Variants in DNAH3 observed in about 807,000 individuals in gnomAD.
DNAH3 encodes the protein axonemal beta dynein heavy chain 3.
A neutral mutation model predicts 432.5 loss-of-function variants in DNAH3; 332 were observed. The observed-to-expected ratio is 0.77, with a 90% CI of 0.70 to 0.84. The LOEUF is 0.84. Ranked by LOEUF, DNAH3 falls within the 40% of genes least tolerant of loss-of-function variation. DNAH3 has a pLI of 0.00. For missense variants in DNAH3, 4,861 were observed against 5,114.0 expected (o/e 0.95, Z 1.51); for synonymous variants, 1,956 against 1,900.2 (o/e 1.03, Z -0.76).
intron 49 of DNAH3, among the ~76,000 whole-genome samples, chr16:20,979,877 G>A (rs2085776208): frequency 6.6e-6 from 1 of 152,092 alleles, no homozygotes; most frequent in Non-Finnish European, 1.5e-5. Context: ...AGCCTCCCGA[G>A]TAGCTGGGAT....
chr16:21,101,480 T>A (rs1319948329), intron 16 of DNAH3, among the ~76,000 whole-genome samples: 53 of 152,190 alleles, frequency 3.5e-4, no homozygotes, highest in Non-Finnish European at 2.4e-4. Context: ...TAGGCACTCA[T>A]GAAATTAGGT....
chr16:21,091,188 A>G (rs2091524254), intron 18 of DNAH3, among the ~76,000 whole-genome samples: 1 of 152,126 alleles, frequency 6.6e-6, no homozygotes, highest in African/African-American at 2.4e-5. Flanking sequence ...TATATTTAAA[A>G]GTTCTTAAAG....
chr16:21,070,930 G>C, intron 21 of DNAH3, 104 bp from the exon 22 acceptor site: 1 of 721,940 alleles, frequency 1.4e-6, no homozygotes, highest in South Asian at 1.6e-5. Flanking sequence ...CCTCACCCAG[G>C]CCTGAGTGCA....
intron 11 of DNAH3, among the ~76,000 whole-genome samples, chr16:21,120,097 C>T (rs956954764): frequency 1.4e-5 from 2 of 142,212 alleles, no homozygotes; most frequent in African/African-American, 5.2e-5. Context: ...TTAGCTTTTC[C>T]CTACCAACTT....
intron 16 of DNAH3, 167 bp downstream of exon 16, chr16:21,104,304 C>T: frequency 1.5e-6 from 1 of 647,454 alleles, no homozygotes; most frequent in Non-Finnish European, 2.8e-6. Flanking sequence ...GAAAACATCC[C>T]TCAGTGGGAA....
chr16:20,958,542 A>G (rs949686367), intron 54 of DNAH3, among the ~76,000 whole-genome samples: 1 of 152,016 alleles, frequency 6.6e-6, no homozygotes, highest in African/African-American at 2.4e-5. Context: ...TGCTTTTCCA[A>G]TACCTCTCTT....
At chr16:21,148,833 A>G (rs1191073580) in intron 1 of DNAH3, among the ~76,000 whole-genome samples, 2 of 152,206 alleles carry the variant, frequency 1.3e-5, no homozygotes, top group Non-Finnish European at 2.9e-5. Context: ...AATGGGGCTA[A>G]AAGAGTTTTC....
chr16:20,980,235 TTATATATATAATATA>T (rs1567571834), intron 49 of DNAH3, among the ~76,000 whole-genome samples: 1 of 107,214 alleles, frequency 9.3e-6, no homozygotes, highest in Non-Finnish European at 2.1e-5. Context: ...TTTATTTATA[TTATATATATAATATA>T]CATCATATAT....
rs1672051125 is a variant in DNAH3 at position 21,019,633 on chromosome 16, G to A, written c.6013C>T (p.Pro2005Ser). The change falls in exon 41 of 62, where the codon CCA (proline) becomes TCA (serine). Residue 2005 changes from proline to serine, a missense_variant. Transcript: ENST00000261383. ...ACAGGTTCTAAATTACCTCTTTCTG[G>A]AAAGATGTTGTTTTTGGTGAGTTTG... is the stretch of plus-strand genomic sequence containing the variant. 2.5e-6 allele frequency: 4 copies of A among 1,614,034 alleles called. No homozygotes were observed. Among genetic ancestry groups the A allele is most frequent in the Non-Finnish European group, 1.7e-6 (2 of 1,180,008 alleles).
At chr16:21,098,951 ATAAGT>A (rs2091766106) in intron 16 of DNAH3, among the ~76,000 whole-genome samples, 182 bp from the exon 17 acceptor site, 1 of 152,172 alleles carries the variant, frequency 6.6e-6, no homozygotes, top group Admixed American at 6.5e-5. Flanking sequence ...AGATGAAAAA[ATAAGT>A]TAAACTACCT....
At chr16:21,060,847 T>TA (rs2090332917) in intron 25 of DNAH3, among the ~76,000 whole-genome samples, 1 of 147,320 alleles carries the variant, frequency 6.8e-6, no homozygotes, top group Non-Finnish European at 1.5e-5. Context: ...TTTTTTTTTT[T>TA]TATAGAGAGA....
At chr16:21,020,394 TATA>T (rs1179751481) in intron 40 of DNAH3, among the ~76,000 whole-genome samples, 19 of 30,000 alleles carry the variant, frequency 6.3e-4, no homozygotes, top group Non-Finnish European at 8.4e-4. Context: ...TATATATATA[TATA>T]TTTTTTTTTT....
exon 17 of DNAH3, chr16:21,098,649 T>G (rs759843701): frequency 1.2e-6 from 2 of 1,613,450 alleles, no homozygotes. Flanking sequence ...TTAGGTTCTT[T>G]GAAAGCTCAT....
chr16:21,154,240 C>A (rs185219527), intron 1 of DNAH3, among the ~76,000 whole-genome samples: 1 of 152,306 alleles, frequency 6.6e-6, no homozygotes, highest in Admixed American at 6.5e-5. Flanking sequence ...CCCGTCTCTA[C>A]TAAAAATACA....
chr16:21,114,957 G>A (rs1429175335), intron 12 of DNAH3, among the ~76,000 whole-genome samples: 1 of 152,048 alleles, frequency 6.6e-6, no homozygotes, highest in African/African-American at 2.4e-5. Flanking sequence ...GTTTATTGTG[G>A]CACTATTCAC....
intron 37 of DNAH3, among the ~76,000 whole-genome samples, chr16:21,028,473 C>T (rs1056914302): frequency 7.0e-5 from 10 of 142,246 alleles, no homozygotes; most frequent in African/African-American, 2.6e-4. Context: ...CCAGCCTGGC[C>T]AACATGGTGA....
Position 21,138,136 on chromosome 16 carries a change from T to C in DNAH3, c.697-1623A>G, listed in dbSNP as rs563115421. On this transcript the variant is annotated intron_variant, in intron 5 of 61. Transcript: ENST00000261383. ...GGTGGTGCATACCTGTAATCCCAGCTACTCAGGAGGCTGAGACAGCAGAAT... is the reference window on the plus strand; with the variant it reads ...GGTGGTGCATACCTGTAATCCCAGCCACTCAGGAGGCTGAGACAGCAGAAT... 3.9e-5 allele frequency among the ~76,000 whole-genome samples: 6 copies of C among 151,922 alleles called. No homozygotes were observed. In the South Asian group the frequency reaches 1.2e-3, roughly 32 times the overall value.
At chr16:20,944,906 T>G (rs1277486688) in intron 57 of DNAH3, among the ~76,000 whole-genome samples, 1 of 152,140 alleles carries the variant, frequency 6.6e-6, no homozygotes, top group East Asian at 1.9e-4. Flanking sequence ...GCTTCCTCTC[T>G]GCTCCCCCAG....
At chr16:21,120,632 A>T in intron 11 of DNAH3, 1 of 845,020 alleles carries the variant, frequency 1.2e-6, no homozygotes, top group Non-Finnish European at 2.0e-6. Flanking sequence ...GTTTTTCCTT[A>T]TTGTCTCGTA....
Sources: gnomAD v4.1 joint callset for allele counts (sites outside exome capture counted in the v4.1 genomes callset) on GRCh38, gnomAD v4.1.1 for gene constraint, MANE v1.5 for transcripts, NCBI Gene and HGNC (gene_info 2026-07-23, HGNC 2026-07-21) for gene names.